MAPK9: variants seen among roughly 807,000 people sequenced by gnomAD.
MAPK9 encodes mitogen-activated protein kinase 9.
A neutral mutation model predicts 57.1 loss-of-function variants in MAPK9; 30 were observed. That is an observed-to-expected ratio of 0.53 (90% CI 0.39 to 0.71). The LOEUF (loss-of-function observed/expected upper bound fraction) is 0.71. Ranked by LOEUF, MAPK9 falls within the 30% of genes least tolerant of loss-of-function variation. The pLI, the probability that MAPK9 is intolerant of heterozygous loss-of-function variation, is 0.00. For missense variants in MAPK9, 362 were observed against 521.0 expected (o/e 0.69, Z 2.97); for synonymous variants, 155 against 177.0 (o/e 0.88, Z 0.99).
chr5:180,248,788 G>A (rs540338148), intron 6 of MAPK9, among the ~76,000 whole-genome samples, 185 bp downstream of exon 6: 1 of 152,150 alleles, frequency 6.6e-6, no homozygotes, highest in African/African-American at 2.4e-5. Context: ...ATTTTTAAAA[G>A]AGAATGATTT....
At chr5:180,259,390 G>A (rs1323123092) in intron 5 of MAPK9, among the ~76,000 whole-genome samples, 1 of 152,114 alleles carries the variant, frequency 6.6e-6, no homozygotes, top group Non-Finnish European at 1.5e-5. Context: ...AAGGGATGTG[G>A]TCAAGTCTTC....
At chr5:180,289,619 G>C (rs1043581623) in intron 1 of MAPK9, among the ~76,000 whole-genome samples, 1 of 152,008 alleles carries the variant, frequency 6.6e-6, no homozygotes, top group Non-Finnish European at 1.5e-5. Flanking sequence ...TTTCCACAGG[G>C]CTCCAGTTAC....
At chr5:180,243,823 T>C (rs978629786) in intron 7 of MAPK9, among the ~76,000 whole-genome samples, 43 of 152,318 alleles carry the variant, frequency 2.8e-4, no homozygotes, top group Middle Eastern at 3.4e-3. Context: ...ATGTGAAAAC[T>C]GTCTCACACC....
rs1481922840 is a variant in MAPK9, at chr5:180,242,709, T to G, written c.735A>C (p.Ser245=). The change falls in exon 8 of 12, where the codon TCA becomes TCC. Residue 245 remains serine, a synonymous_variant. Transcript: ENST00000452135. ...NKVIEQLGTP[S]AEFMKKLQPT... is the part of the protein sequence containing the mutation. ...GCTGAAGTTTCTTCATGAACTCTGCTGATGGTGTTCCCAGCTGCTCAATAA... is the reference window on the plus strand; with the variant it reads ...GCTGAAGTTTCTTCATGAACTCTGCGGATGGTGTTCCCAGCTGCTCAATAA... 1 of 1,614,036 alleles carries G rather than the reference T, an allele frequency of 6.2e-7. No individual in the cohort carries two copies. The highest frequency in any genetic ancestry group is 1.3e-5 in the African/African-American group (1 of 74,938).
In MAPK9 at chr5:180,247,807, C is replaced by T; in HGVS notation, c.617-297G>A. ...ACACAAAGCTTTTCAGGGCCACACG[C>T]CCACCCCAGCCTCCATGGCCAAGTA... is the stretch of plus-strand genomic sequence containing the variant. On this transcript the variant is annotated intron_variant, in intron 6 of 11. Transcript: ENST00000452135. This position sits in a 1 kb window ranked among gnomAD's most constrained non-coding sequence, Gnocchi z 4.5. The T allele has an allele frequency of 6.3e-7, 1 of 1,584,128 alleles. No homozygotes were observed. Among genetic ancestry groups the T allele is most frequent in the Non-Finnish European group, 8.7e-7 (1 of 1,152,880 alleles).
At chr5:180,272,188 G>A (rs975900043) in intron 2 of MAPK9, among the ~76,000 whole-genome samples, 36 of 152,264 alleles carry the variant, frequency 2.4e-4, no homozygotes, top group African/African-American at 8.2e-4. Context: ...ACTGCTTCTT[G>A]CATTACGCTC....
chr5:180,238,184 T>C, intron 11 of MAPK9, 148 bp downstream of exon 11: 1 of 533,642 alleles, frequency 1.9e-6, no homozygotes, highest in Non-Finnish European at 3.4e-6. Flanking sequence ...GCAGGAGAAT[T>C]GCTTGAACCC....
chr5:180,264,390 T>C (rs1760315361), intron 4 of MAPK9, among the ~76,000 whole-genome samples: 1 of 152,220 alleles, frequency 6.6e-6, no homozygotes, highest in South Asian at 2.1e-4. Context: ...TGATTCTACT[T>C]AAGATTCTGG....
chr5:180,269,129 A>G (rs1462974311), intron 3 of MAPK9, 151 bp downstream of exon 3: 2 of 852,998 alleles, frequency 2.3e-6, no homozygotes, highest in African/African-American at 1.7e-5. Flanking sequence ...ACAAAAAAAC[A>G]AAAAAACAAA....
intron 2 of MAPK9, among the ~76,000 whole-genome samples, chr5:180,271,311 T>C (rs1048786949): frequency 1.3e-5 from 2 of 152,246 alleles, no homozygotes; most frequent in Non-Finnish European, 2.9e-5. Flanking sequence ...GTTGTGGTTA[T>C]TGCGGTCACT....
chr5:180,240,107 C>A, intron 9 of MAPK9, 120 bp from the exon 10 acceptor site: 1 of 698,894 alleles, frequency 1.4e-6, no homozygotes, highest in Middle Eastern at 3.9e-4. Context: ...TAGTTTAATT[C>A]AACACGTGGT....
intron 2 of MAPK9, among the ~76,000 whole-genome samples, chr5:180,274,488 C>G (rs768907252): frequency 6.6e-6 from 1 of 152,160 alleles, no homozygotes; most frequent in Non-Finnish European, 1.5e-5. Flanking sequence ...GAGGAGGTCA[C>G]TTGAGAAGGA....
chr5:180,282,537 C>T (rs1288856983), intron 1 of MAPK9, among the ~76,000 whole-genome samples: 6 of 152,212 alleles, frequency 3.9e-5, no homozygotes, highest in Admixed American at 6.5e-5. Context: ...AAGGAGGAGG[C>T]GGCATCCGCC....
rs1455023025 is a variant in MAPK9 at position 180,244,840 on chromosome 5, G to C, written c.689-2085C>G. On this transcript the variant is annotated intron_variant, in intron 7 of 11. Transcript: ENST00000452135. ...TCTACACTTGTGTCTCTAATTCCCAGCCTCTCATTTTCTCTCAAACATACT... is the reference window on the plus strand; with the variant it reads ...TCTACACTTGTGTCTCTAATTCCCACCCTCTCATTTTCTCTCAAACATACT... Among the ~76,000 whole-genome samples the C allele has an allele frequency of 2.0e-5, 3 of 150,228 alleles. No individual in the cohort carries two copies. The South Asian group carries it at 6.3e-4, about 31-fold the overall frequency.
At chr5:180,282,451 T>C (rs1451136322) in intron 1 of MAPK9, among the ~76,000 whole-genome samples, 3 of 152,248 alleles carry the variant, frequency 2.0e-5, no homozygotes, top group Admixed American at 6.5e-5. Flanking sequence ...GTAAGGGCCA[T>C]AAGCACAATG....
At chr5:180,237,943 C>G (rs1757310149) in intron 11 of MAPK9, 2 of 159,196 alleles carry the variant, frequency 1.3e-5, no homozygotes, top group African/African-American at 4.8e-5. Context: ...TCGAGACCAG[C>G]TTGGCCAATA....
Position 180,249,019 on chromosome 5 carries a change from G to A in MAPK9, c.570C>T (p.Tyr190=), listed in dbSNP as rs1479858587. Residue 190 remains tyrosine, a synonymous_variant, in exon 6 of 12, where the codon TAC becomes TAT. Coordinates refer to ENST00000452135, the MANE Select transcript of MAPK9 (RefSeq NM_002752.5). ...FMMTPYVVTR[Y]YRAPEVILGM... is the part of the protein sequence containing the mutation. ...CCAGGATGACTTCGGGCGCCCGGTA[G>A]TACCGTGTCACCACGTAAGGGGTCA... is the stretch of plus-strand genomic sequence containing the variant. The A allele has an allele frequency of 6.2e-7, 1 of 1,613,892 alleles. No homozygotes were observed.
intron 1 of MAPK9, among the ~76,000 whole-genome samples, chr5:180,282,896 G>T (rs1362381863): frequency 6.6e-6 from 1 of 152,190 alleles, no homozygotes; most frequent in Non-Finnish European, 1.5e-5. Flanking sequence ...AAGATTTGGG[G>T]GAATGGGAGG....
chr5:180,291,622 G>T (rs1405558010), intron 1 of MAPK9, among the ~76,000 whole-genome samples: 1 of 151,940 alleles, frequency 6.6e-6, no homozygotes. Context: ...CGGGCAGGTC[G>T]GCCGGGCCAG....
Sources: gnomAD v4.1 joint callset for allele counts (sites outside exome capture counted in the v4.1 genomes callset) on GRCh38, gnomAD v4.1.1 for gene constraint, Gnocchi (gnomAD v3.1) non-coding constraint, MANE v1.5 for transcripts, NCBI Gene and HGNC (gene_info 2026-07-23, HGNC 2026-07-21) for gene names.